ALKBH3: variants seen among roughly 807,000 people sequenced by gnomAD.
ALKBH3 encodes alkB homolog 3, alpha-ketoglutarate dependent dioxygenase, also known as alpha-ketoglutarate-dependent dioxygenase alkB homolog 3.
In ALKBH3, 51 loss-of-function variants were observed where a neutral mutation model predicts 43.9. That is an observed-to-expected ratio of 1.16 (90% CI 0.93 to 1.47). The LOEUF is 1.47. Ranked by LOEUF, ALKBH3 falls within the 40% of genes most tolerant of loss-of-function variation. The probability of loss-of-function intolerance (pLI) is 0.00; values close to 1 mark genes in which losing one functional copy is unlikely to be tolerated. For synonymous variants in ALKBH3, 102 were observed against 115.2 expected (o/e 0.89, Z 0.73); for missense variants, 361 against 351.9 (o/e 1.03, Z -0.21).
chr11:43,919,701 C>G (rs1198096058), intron 9 of ALKBH3: 2 of 478,346 alleles, frequency 4.2e-6, no homozygotes, highest in Non-Finnish European at 7.5e-6. Context: ...ATGAAAATAT[C>G]TCACTTCAGA....
intron 8 of ALKBH3, among the ~76,000 whole-genome samples, chr11:43,904,044 A>G (rs1377103432): frequency 1.3e-5 from 2 of 152,344 alleles, no homozygotes; most frequent in Admixed American, 1.3e-4. Context: ...CCTGTGGGCA[A>G]GCATTTGGAA....
chr11:43,897,725 A>T, intron 7 of ALKBH3: 1 of 804,170 alleles, frequency 1.2e-6, no homozygotes, highest in Non-Finnish European at 2.3e-6. Context: ...ATTCTCGGGA[A>T]CGTACTTTGC....
Position 43,880,999 on chromosome 11 carries a change from T to C in ALKBH3, c.-251T>C, listed in dbSNP as rs529355572. Reference sequence around the variant, plus strand: ...GTGCGAGTACCACCCCTGAAGTCTCTTCCTGGGCGACCTCCGGGGCCTCAT... The same window carrying C: ...GTGCGAGTACCACCCCTGAAGTCTCCTCCTGGGCGACCTCCGGGGCCTCAT... On this transcript the variant is annotated 5_prime_UTR_variant, in exon 1 of 10. Coordinates refer to ENST00000302708, the MANE Select transcript of ALKBH3 (RefSeq NM_139178.4). 1 of 152,386 alleles carries C rather than the reference T, an allele frequency of 6.6e-6. No individual in the cohort carries two copies. The highest frequency in any genetic ancestry group is 1.5e-5 in the Non-Finnish European group (1 of 68,064). 9.4% of individuals were successfully genotyped at this position (152,386 alleles called of 1,614,324 possible).
Position 43,882,606 on chromosome 11 carries a change from G to A in ALKBH3, c.-47G>A. 1 of 1,568,954 alleles carries A rather than the reference G, an allele frequency of 6.4e-7. No individual in the cohort carries two copies. The highest frequency in any genetic ancestry group is 1.2e-5 in the South Asian group (1 of 85,820). Reference sequence around the variant, plus strand: ...AGATACCATGGAGTAGTTTGAAACAGGAACAAAATCTTCTGAAAGCTCGGA... The same window carrying A: ...AGATACCATGGAGTAGTTTGAAACAAGAACAAAATCTTCTGAAAGCTCGGA... On this transcript the variant is annotated 5_prime_UTR_variant, in exon 2 of 10. Transcript: ENST00000302708.
intron 5 of ALKBH3, among the ~76,000 whole-genome samples, chr11:43,887,510 A>G (rs1951754382): frequency 6.6e-6 from 1 of 151,810 alleles, no homozygotes; most frequent in Admixed American, 6.6e-5. Context: ...GGGTTTCATC[A>G]TGTTGGTCAG....
At chr11:43,884,131 T>C in intron 4 of ALKBH3, 114 bp downstream of exon 4, 1 of 1,259,922 alleles carries the variant, frequency 7.9e-7, no homozygotes. Context: ...GTGTCTTAAC[T>C]GTAGTCTGGG....
At chr11:43,886,772 C>A in intron 5 of ALKBH3, 119 bp downstream of exon 5, 1 of 977,576 alleles carries the variant, frequency 1.0e-6, no homozygotes, top group East Asian at 2.5e-5. Flanking sequence ...ACTATGCAGC[C>A]ATTAAAAGGA....
intron 7 of ALKBH3, chr11:43,899,104 T>C: frequency 1.3e-6 from 1 of 762,760 alleles, no homozygotes; most frequent in Non-Finnish European, 2.4e-6. Flanking sequence ...AAAGGGGACA[T>C]TGTCTTTAAC....
At chr11:43,898,156 T>C in intron 7 of ALKBH3, 5 of 1,225,188 alleles carry the variant, frequency 4.1e-6, no homozygotes, top group Non-Finnish European at 6.0e-6. Flanking sequence ...AGATGCTGAC[T>C]ACATCAAGAG....
chr11:43,898,020 C>A, intron 7 of ALKBH3: 1 of 885,824 alleles, frequency 1.1e-6, no homozygotes, highest in Non-Finnish European at 1.9e-6. Context: ...CGTCATCCTG[C>A]AAGAAACAAG....
intron 8 of ALKBH3, among the ~76,000 whole-genome samples, chr11:43,901,993 T>TA (rs1332346204): frequency 1.3e-5 from 2 of 152,248 alleles, no homozygotes; most frequent in East Asian, 3.8e-4. Context: ...CTCCTGGAGA[T>TA]ACAGTCTAGT....
At chr11:43,902,303 A>C (rs923634349) in intron 8 of ALKBH3, among the ~76,000 whole-genome samples, 9 of 152,224 alleles carry the variant, frequency 5.9e-5, no homozygotes, top group African/African-American at 2.2e-4. Context: ...TGATCTGTCC[A>C]CATTCAGGTA....
intron 4 of ALKBH3, among the ~76,000 whole-genome samples, chr11:43,884,480 T>C (rs1951734583): frequency 6.6e-6 from 1 of 151,912 alleles, no homozygotes. Flanking sequence ...CAGAACAATT[T>C]AAATGATAGT....
At chr11:43,896,358 A>G (rs1565125138) in intron 7 of ALKBH3, among the ~76,000 whole-genome samples, 1 of 152,112 alleles carries the variant, frequency 6.6e-6, no homozygotes. Flanking sequence ...AGATCCCACA[A>G]TAGGCTGTCT....
rs374929354 is a variant in ALKBH3, at chr11:43,919,913, T to C, written c.769-5T>C. On this transcript the variant is annotated splice_region_variant and splice_polypyrimidine_tract_variant and intron_variant, in intron 9 of 9. Coordinates refer to ENST00000302708, the MANE Select transcript of ALKBH3 (RefSeq NM_139178.4). ...TATGTCAGAGTTATGTGTATTTCCA[T>C]TTAGCATCGAGTGCCCAAAGAATAC... 1.4e-4 allele frequency: 228 copies of C among 1,613,140 alleles called. No homozygotes were observed. Among genetic ancestry groups the C allele is most frequent in the Non-Finnish European group, 1.9e-4 (224 of 1,179,200 alleles).
intron 8 of ALKBH3, among the ~76,000 whole-genome samples, chr11:43,915,049 TA>T (rs916702988): frequency 6.7e-6 from 1 of 149,634 alleles, no homozygotes; most frequent in Admixed American, 6.7e-5. Context: ...CTACTAAAAA[TA>T]AAAAAAAATT....
chr11:43,906,445 G>A (rs930613245), intron 8 of ALKBH3, among the ~76,000 whole-genome samples: 3 of 152,208 alleles, frequency 2.0e-5, no homozygotes, highest in Non-Finnish European at 4.4e-5. Flanking sequence ...GGATTTCATA[G>A]AGTGGAAACA....
intron 7 of ALKBH3, chr11:43,898,393 G>T: frequency 2.8e-6 from 2 of 702,350 alleles, no homozygotes; most frequent in Non-Finnish European, 5.2e-6. Flanking sequence ...CGTTCCACAG[G>T]TCCTTCAGAA....
intron 7 of ALKBH3, among the ~76,000 whole-genome samples, 169 bp downstream of exon 7, chr11:43,892,298 G>A (rs1321731097): frequency 1.3e-5 from 2 of 152,172 alleles, no homozygotes; most frequent in African/African-American, 2.4e-5. Flanking sequence ...TCATGTGCTA[G>A]AGGATGAGAA....
Sources: allele counts gnomAD v4.1 joint callset (sites outside exome capture counted in the v4.1 genomes callset), GRCh38; gene constraint gnomAD v4.1.1; transcripts MANE v1.5; gene names NCBI Gene and HGNC (gene_info 2026-07-23, HGNC 2026-07-21).